The following RPS6KA5 variants were observed in gnomAD, a reference collection of about 807,000 sequenced individuals.
RPS6KA5 encodes ribosomal protein S6 kinase A5, also known as ribosomal protein S6 kinase alpha-5.
RPS6KA5 carries 27 observed loss-of-function variants against 85.5 expected under a neutral mutation model. That is an observed-to-expected ratio of 0.32 (90% CI 0.23 to 0.44). The LOEUF (loss-of-function observed/expected upper bound fraction) is 0.44. RPS6KA5 is among the 20% of genes least tolerant of loss of function. RPS6KA5 has a pLI of 1.00. For synonymous variants in RPS6KA5, 334 were observed against 348.2 expected, an observed-to-expected ratio of 0.96 and a Z score of 0.46; for missense variants, 811 against 980.9, an observed-to-expected ratio of 0.83 and a Z score of 2.31.
At chr14:91,031,521 A>T (rs2042187578) in intron 1 of RPS6KA5, among the ~76,000 whole-genome samples, 1 of 152,194 alleles carries the variant, frequency 6.6e-6, no homozygotes, top group Non-Finnish European at 1.5e-5. Context: ...AATGGAAGAG[A>T]CGGAACAGAG....
intron 5 of RPS6KA5, among the ~76,000 whole-genome samples, chr14:90,941,924 T>G (rs1012030629): frequency 6.6e-6 from 1 of 152,200 alleles, no homozygotes; most frequent in African/African-American, 2.4e-5. Context: ...CTAAAATTTT[T>G]ACAAAGGCAT....
chr14:91,010,526 G>A (rs1219940145), intron 1 of RPS6KA5, among the ~76,000 whole-genome samples: 1 of 152,166 alleles, frequency 6.6e-6, no homozygotes, highest in African/African-American at 2.4e-5. Context: ...TAATGTCAAT[G>A]TCAAAATGGG....
intron 2 of RPS6KA5, among the ~76,000 whole-genome samples, chr14:90,996,392 T>G (rs1277431122): frequency 6.6e-6 from 1 of 152,128 alleles, no homozygotes; most frequent in East Asian, 1.9e-4. Context: ...GTTCTTGTTA[T>G]GTACTATAAA....
chr14:90,957,799 T>C (rs2038600183), intron 3 of RPS6KA5, among the ~76,000 whole-genome samples: 1 of 151,996 alleles, frequency 6.6e-6, no homozygotes, highest in Non-Finnish European at 1.5e-5. Flanking sequence ...CTTAAATTGC[T>C]TACCACCAAA....
intron 3 of RPS6KA5, among the ~76,000 whole-genome samples, chr14:90,949,694 T>G (rs1367619601): frequency 1.3e-5 from 2 of 152,188 alleles, no homozygotes; most frequent in Non-Finnish European, 2.9e-5. Flanking sequence ...AACTAGACAA[T>G]GGCTCCACAG....
At chr14:90,899,214 G>A (rs2035012983) in intron 12 of RPS6KA5, 115 bp downstream of exon 12, 2 of 672,596 alleles carry the variant, frequency 3.0e-6, no homozygotes, top group South Asian at 1.9e-5. Context: ...CTGGTGGCTG[G>A]GTGATGTTCT....
At chr14:91,054,141 GC>G (rs1470873641) in intron 1 of RPS6KA5, among the ~76,000 whole-genome samples, 1 of 152,164 alleles carries the variant, frequency 6.6e-6, no homozygotes, top group African/African-American at 2.4e-5. Context: ...ATATTTACAT[GC>G]AGAAGAATGA....
intron 1 of RPS6KA5, among the ~76,000 whole-genome samples, chr14:91,057,714 C>T (rs1453676140): frequency 1.3e-5 from 2 of 152,192 alleles, no homozygotes; most frequent in African/African-American, 4.8e-5. Context: ...AATTCACACA[C>T]TTCAAGATAA....
At chr14:90,967,007 A>G (rs77155789) in intron 3 of RPS6KA5, among the ~76,000 whole-genome samples, 7,745 of 152,248 alleles carry the variant, frequency 0.051, 509 homozygotes, top group African/African-American at 0.14. Flanking sequence ...AAAGAAAACT[A>G]TCAATAGTCC....
intron 2 of RPS6KA5, among the ~76,000 whole-genome samples, chr14:90,992,425 T>G (rs966442610): frequency 1.2e-4 from 19 of 152,222 alleles, no homozygotes; most frequent in African/African-American, 4.1e-4. Context: ...CAGAATTGTC[T>G]TCAAGGCCTG....
intron 1 of RPS6KA5, among the ~76,000 whole-genome samples, chr14:91,010,306 G>A (rs892125657): frequency 3.3e-5 from 5 of 152,052 alleles, no homozygotes; most frequent in Non-Finnish European, 5.9e-5. Context: ...CCACAGAAAT[G>A]ACCCCCTTTG....
chr14:91,024,737 G>A (rs997204578), intron 1 of RPS6KA5, among the ~76,000 whole-genome samples: 3 of 152,058 alleles, frequency 2.0e-5, no homozygotes, highest in Non-Finnish European at 4.4e-5. Context: ...CTTTTCCTTA[G>A]CCACAGGTGT....
intron 3 of RPS6KA5, among the ~76,000 whole-genome samples, chr14:90,954,714 T>C (rs947512095): frequency 6.6e-5 from 10 of 152,178 alleles, no homozygotes; most frequent in African/African-American, 2.4e-4. Context: ...GTACTAGGCC[T>C]GTGGGTAGTG....
intron 1 of RPS6KA5, among the ~76,000 whole-genome samples, chr14:91,036,492 G>A: frequency 6.6e-6 from 1 of 152,176 alleles, no homozygotes; most frequent in East Asian, 1.9e-4. Context: ...TAGACAAACA[G>A]ATCCATGCAC....
At chr14:90,988,723 G>C (rs983407742) in intron 2 of RPS6KA5, among the ~76,000 whole-genome samples, 6 of 152,184 alleles carry the variant, frequency 3.9e-5, no homozygotes, top group Non-Finnish European at 7.3e-5. Flanking sequence ...TGAGGCAGGA[G>C]CATTGCTTGA....
intron 3 of RPS6KA5, among the ~76,000 whole-genome samples, chr14:90,961,581 C>T (rs1003878641): frequency 1.6e-4 from 25 of 152,050 alleles, no homozygotes; most frequent in Admixed American, 1.6e-3. Context: ...ATTTTGCAGT[C>T]TTACATGCTT....
chr14:91,055,787 A>C (rs1000966358), intron 1 of RPS6KA5, among the ~76,000 whole-genome samples: 1 of 152,136 alleles, frequency 6.6e-6, no homozygotes, highest in African/African-American at 2.4e-5. Context: ...ACAAAACAAC[A>C]ACAAAAGACA....
At chr14:90,951,473 T>C (rs1241128656) in intron 3 of RPS6KA5, among the ~76,000 whole-genome samples, 9 of 151,940 alleles carry the variant, frequency 5.9e-5, no homozygotes, top group Non-Finnish European at 1.5e-5. Context: ...AGACTCCATC[T>C]CAACAACAAA....
rs1555353429 is a variant in RPS6KA5 at position 90,855,612 on chromosome 14, AT to A, written c.*16461del. ...ACCACCACGCCCAGCTAATTTTTGT[AT>A]TTTTTTTTTTTTGAGACAGAGTCTT... On this transcript the variant is annotated 3_prime_UTR_variant, in exon 17 of 17. Transcript: ENST00000614987. The A allele has an allele frequency of 1.5e-4, 15 of 103,410 alleles. No homozygotes were observed. The highest frequency in any genetic ancestry group is 2.8e-4 in the South Asian group (1 of 3,530). 6.4% of individuals were successfully genotyped at this position (103,410 alleles called of 1,614,324 possible). A position where few individuals can be genotyped will look rare whatever the true frequency, so the allele number is the denominator to read the frequency against.
Sources: allele counts gnomAD v4.1 joint callset (sites outside exome capture counted in the v4.1 genomes callset), GRCh38; gene constraint gnomAD v4.1.1; transcripts MANE v1.5; gene names NCBI Gene and HGNC (gene_info 2026-07-23, HGNC 2026-07-21).